Variants in HEMK2 observed in about 807,000 individuals in gnomAD.
The protein encoded by HEMK2 is methyltransferase HEMK2.
the HEMK2 span, among the ~76,000 whole-genome samples, chr21:28,738,173 A>C: frequency 2.6e-5 from 4 of 152,224 alleles, no homozygotes; most frequent in African/African-American, 9.6e-5. Context: ...TTATTGAAGT[A>C]GCAATGGACA....
chr21:28,792,074 G>A, the HEMK2 span, among the ~76,000 whole-genome samples: 1 of 152,100 alleles, frequency 6.6e-6, no homozygotes, highest in South Asian at 2.1e-4. Flanking sequence ...TCCTACCAAT[G>A]TCAGGACAGT....
At chr21:28,850,422 C>T in the HEMK2 span, among the ~76,000 whole-genome samples, 1 of 151,942 alleles carries the variant, frequency 6.6e-6, no homozygotes, top group Non-Finnish European at 1.5e-5. Flanking sequence ...GACGGGGTTT[C>T]ACCGTGTTAG....
the HEMK2 span, chr21:28,874,739 T>G: frequency 3.3e-5 from 5 of 152,268 alleles, no homozygotes; most frequent in African/African-American, 9.6e-5. Context: ...GCCCATTCAG[T>G]GTCTATCCAC....
At chr21:28,766,512 C>A in the HEMK2 span, among the ~76,000 whole-genome samples, 5 of 151,804 alleles carry the variant, frequency 3.3e-5, no homozygotes, top group African/African-American at 4.8e-5. Context: ...GCTATCTACC[C>A]AAAGGAAAAG....
At chr21:28,787,729 G>A in the HEMK2 span, among the ~76,000 whole-genome samples, 1 of 152,196 alleles carries the variant, frequency 6.6e-6, no homozygotes, top group Admixed American at 6.5e-5. Flanking sequence ...CATGGATGCG[G>A]TGAGCAGTGA....
chr21:28,732,284 G>A, the HEMK2 span, among the ~76,000 whole-genome samples: 2 of 152,242 alleles, frequency 1.3e-5, no homozygotes, highest in Non-Finnish European at 2.9e-5. Flanking sequence ...ATAGTTCTAT[G>A]TGTGCTGTCA....
chr21:28,699,574 G>C, the HEMK2 span, among the ~76,000 whole-genome samples: 1 of 152,296 alleles, frequency 6.6e-6, no homozygotes, highest in South Asian at 2.1e-4. Context: ...TTTAGGGTTT[G>C]ATAAAGGTAA....
chr21:28,705,329 C>T, the HEMK2 span, among the ~76,000 whole-genome samples: 6 of 98,154 alleles, frequency 6.1e-5, no homozygotes, highest in Non-Finnish European at 1.1e-4. Context: ...TTTTTTACTA[C>T]TTTTCTTTTC....
At chr21:28,648,315 G>A in the HEMK2 span, among the ~76,000 whole-genome samples, 1 of 152,196 alleles carries the variant, frequency 6.6e-6, no homozygotes, top group African/African-American at 2.4e-5. Flanking sequence ...AGTTGCACCA[G>A]AGGTGGTTCT....
the HEMK2 span, among the ~76,000 whole-genome samples, chr21:28,770,268 G>A: frequency 6.6e-6 from 1 of 152,108 alleles, no homozygotes; most frequent in Non-Finnish European, 1.5e-5. Context: ...AGAGTTGGTA[G>A]GAAGAAACCC....
the HEMK2 span, among the ~76,000 whole-genome samples, chr21:28,836,552 A>G: frequency 1.3e-5 from 2 of 152,210 alleles, no homozygotes; most frequent in Non-Finnish European, 2.9e-5. Context: ...AGCATAAATC[A>G]CACAGGACCT....
the HEMK2 span, among the ~76,000 whole-genome samples, chr21:28,830,191 T>C: frequency 6.6e-5 from 10 of 152,362 alleles, no homozygotes; most frequent in Admixed American, 2.0e-4. Flanking sequence ...GGTTTGGCTC[T>C]GTGTCCCCAC....
At chr21:28,830,691 C>T in the HEMK2 span, among the ~76,000 whole-genome samples, 1 of 152,124 alleles carries the variant, frequency 6.6e-6, no homozygotes, top group Non-Finnish European at 1.5e-5. Context: ...TTCTGGCTAA[C>T]ATGGTGAAAC....
chr21:28,816,221 C>A, the HEMK2 span, among the ~76,000 whole-genome samples: 5 of 152,080 alleles, frequency 3.3e-5, no homozygotes, highest in Non-Finnish European at 5.9e-5. Flanking sequence ...TTGTTCCTAG[C>A]AAACTAATAC....
chr21:28,823,642 A>G, the HEMK2 span, among the ~76,000 whole-genome samples: 1 of 152,182 alleles, frequency 6.6e-6, no homozygotes, highest in Non-Finnish European at 1.5e-5. Flanking sequence ...AGAGATGTAT[A>G]CTGAGCTCTT....
the HEMK2 span, among the ~76,000 whole-genome samples, chr21:28,763,683 A>T: frequency 1.3e-5 from 2 of 152,250 alleles, no homozygotes; most frequent in East Asian, 3.9e-4. Context: ...GAAATGCTTG[A>T]CAGACAGAGT....
chr21:28,872,608 C>T, the HEMK2 span: 1 of 152,288 alleles, frequency 6.6e-6, no homozygotes, highest in Admixed American at 6.5e-5. Context: ...AAGAAAGTGG[C>T]TTACATGATT....
the HEMK2 span, among the ~76,000 whole-genome samples, chr21:28,737,594 A>T: frequency 6.7e-5 from 10 of 149,854 alleles, no homozygotes; most frequent in African/African-American, 2.4e-4. Flanking sequence ...TAGACTGTTA[A>T]AAAAAAAAAG....
the HEMK2 span, among the ~76,000 whole-genome samples, chr21:28,795,448 T>C: frequency 6.6e-6 from 1 of 152,152 alleles, no homozygotes; most frequent in African/African-American, 2.4e-5. Flanking sequence ...GTCTCCCCTC[T>C]CCAGTTCCAA....
Sources: allele counts gnomAD v4.1 joint callset (sites outside exome capture counted in the v4.1 genomes callset), GRCh38; gene constraint gnomAD v4.1.1; transcripts MANE v1.5; gene names NCBI Gene and HGNC (gene_info 2026-07-23, HGNC 2026-07-21).